EYS: variants seen among roughly 807,000 people sequenced by gnomAD.
EYS encodes the protein EGF-like photoreceptor maintenance factor.
In EYS, 250 loss-of-function variants were observed where a neutral mutation model predicts 282.1. That is an observed-to-expected ratio of 0.89 (90% CI 0.80 to 0.98). The LOEUF (loss-of-function observed/expected upper bound fraction) is 0.98, where lower values mean the gene tolerates loss of function less well. Among genes scored for constraint, EYS ranks in the 50% least tolerant of loss-of-function variants. The pLI, the probability that EYS is intolerant of heterozygous loss-of-function variation, is 0.00. For synonymous variants in EYS, 1,355 were observed against 1,282.9 expected, an observed-to-expected ratio of 1.06 and a Z score of -1.20; for missense variants, 4,016 against 3,709.0, an observed-to-expected ratio of 1.08 and a Z score of -2.15.
At chr6:63,901,650 G>T (rs1338567683) in intron 35 of EYS, among the ~76,000 whole-genome samples, 1 of 152,118 alleles carries the variant, frequency 6.6e-6, no homozygotes, top group Non-Finnish European at 1.5e-5. Context: ...CAAATATAGG[G>T]AACAAATATT....
At chr6:65,223,315 C>T (rs367995573) in intron 12 of EYS, among the ~76,000 whole-genome samples, 18 of 151,970 alleles carry the variant, frequency 1.2e-4, no homozygotes, top group Middle Eastern at 3.2e-3. Context: ...TGCAGTGAGC[C>T]GAGATCATGC....
chr6:64,524,225 T>A (rs575720673), intron 26 of EYS, among the ~76,000 whole-genome samples: 3 of 151,896 alleles, frequency 2.0e-5, no homozygotes, highest in African/African-American at 7.2e-5. Flanking sequence ...TTTGCCATGA[T>A]GATCTTAATT....
At chr6:64,419,786 G>T (rs527480227) in intron 28 of EYS, among the ~76,000 whole-genome samples, 6 of 152,346 alleles carry the variant, frequency 3.9e-5, no homozygotes, top group African/African-American at 1.4e-4. Context: ...GCAGGGTACA[G>T]CATCCCCTCC....
In EYS at chr6:64,370,285, G is replaced by T. The variant is rs562702638; in HGVS notation, c.6078+18405C>A. Among the ~76,000 whole-genome samples, 71 of 152,204 alleles carry T rather than the reference G, an allele frequency of 4.7e-4. 1 individual carries two copies. The highest frequency in any genetic ancestry group is 8.7e-4 in the Non-Finnish European group (59 of 67,972). On this transcript the variant is annotated intron_variant, in intron 29 of 42. Coordinates refer to ENST00000503581, the MANE Select transcript of EYS (RefSeq NM_001142800.2). ...TTTCATTATCTATTGTGATGTCCAT[G>T]TGGTTATTTTTAATTCTGTTTATGT...
chr6:64,417,142 G>A (rs1556861), intron 28 of EYS, among the ~76,000 whole-genome samples: 56,184 of 152,000 alleles, frequency 0.37, 11,135 homozygotes, highest in African/African-American at 0.53. Context: ...ATACATTACA[G>A]TGAAAAGCTA....
At chr6:65,628,928 T>C (rs147212592) in intron 2 of EYS, among the ~76,000 whole-genome samples, 1 of 152,368 alleles carries the variant, frequency 6.6e-6, no homozygotes, top group Non-Finnish European at 1.5e-5. Context: ...AAAAATATGA[T>C]GGCATTGTTT....
chr6:64,398,857 G>A (rs1209076895), intron 28 of EYS, among the ~76,000 whole-genome samples: 1 of 151,718 alleles, frequency 6.6e-6, no homozygotes, highest in Admixed American at 6.6e-5. Flanking sequence ...GAGAAAAAAT[G>A]GTTCAACATT....
At chr6:65,189,067 T>TG (rs1275107670) in intron 12 of EYS, among the ~76,000 whole-genome samples, 1 of 151,444 alleles carries the variant, frequency 6.6e-6, no homozygotes, top group Non-Finnish European at 1.5e-5. Context: ...ACAGTTTTAA[T>TG]TTTTTTTATA....
rs116544728 is a variant in EYS at position 64,420,746 on chromosome 6, G to T, written c.5927+15428C>A. The stretch of plus-strand genomic sequence containing the variant: ...AAGTTCCACAGATCTCTTGGGTAGG[G>T]ACAAAATGCTGCCAGTCTCCTTGAT... On this transcript the variant is annotated intron_variant, in intron 28 of 42. Coordinates refer to ENST00000503581, the MANE Select transcript of EYS (RefSeq NM_001142800.2). 8.2e-3 allele frequency among the ~76,000 whole-genome samples: 1,252 copies of T among 152,210 alleles called. 12 individuals carry two copies. Among genetic ancestry groups the T allele is most frequent in the African/African-American group, 0.029 (1,192 of 41,522 alleles).
chr6:64,320,616 A>G (rs1376847732), intron 29 of EYS, among the ~76,000 whole-genome samples: 1 of 151,660 alleles, frequency 6.6e-6, no homozygotes, highest in African/African-American at 2.4e-5. Context: ...ACAAATTGAT[A>G]ATGACAATTT....
chr6:64,880,492 G>T (rs922597692), intron 19 of EYS, among the ~76,000 whole-genome samples: 4 of 151,430 alleles, frequency 2.6e-5, no homozygotes, highest in Non-Finnish European at 5.9e-5. Flanking sequence ...TTTGGTTCTT[G>T]ATCTCTCTCT....
intron 29 of EYS, among the ~76,000 whole-genome samples, chr6:64,372,632 TGTGATTTCCAA>T (rs1772421636): frequency 6.6e-6 from 1 of 152,200 alleles, no homozygotes; most frequent in Admixed American, 6.5e-5. Flanking sequence ...TATCCTGAAA[TGTGATTTCCAA>T]GTTGCTTAGC....
chr6:64,349,045 T>C (rs962907518), intron 29 of EYS, among the ~76,000 whole-genome samples: 1 of 151,420 alleles, frequency 6.6e-6, no homozygotes, highest in African/African-American at 2.4e-5. Context: ...ATGTCTTGTT[T>C]GCTTTTGATC....
intron 5 of EYS, among the ~76,000 whole-genome samples, chr6:65,439,522 C>T (rs962607703): frequency 1.3e-5 from 2 of 152,166 alleles, no homozygotes; most frequent in African/African-American, 2.4e-5. Context: ...TCTTTTATTT[C>T]GTTGAGCACT....
At chr6:64,635,088 G>A (rs1175958811) in intron 22 of EYS, among the ~76,000 whole-genome samples, 3 of 151,934 alleles carry the variant, frequency 2.0e-5, no homozygotes, top group Non-Finnish European at 4.4e-5. Context: ...TGTAGCAATT[G>A]TGAATGGGAG....
intron 28 of EYS, among the ~76,000 whole-genome samples, chr6:64,399,831 CTGTGTTAGTGCTGA>C (rs1201686058): frequency 2.0e-5 from 3 of 151,810 alleles, no homozygotes; most frequent in African/African-American, 7.2e-5. Context: ...TTATTTGAAG[CTGTGTTAGTGCTGA>C]TGGAGTATAA....
intron 9 of EYS, among the ~76,000 whole-genome samples, chr6:65,348,930 T>C (rs1274097896): frequency 2.0e-5 from 3 of 151,486 alleles, no homozygotes; most frequent in Non-Finnish European, 4.4e-5. Flanking sequence ...TCTTCCCCCA[T>C]CCAAATTTAC....
At chr6:65,550,143 C>CTTTTTTTTTTATTT (rs1768555125) in intron 2 of EYS, among the ~76,000 whole-genome samples, 1 of 5,956 alleles carries the variant, frequency 1.7e-4, no homozygotes, top group Non-Finnish European at 2.5e-4. Flanking sequence ...TCTACTATAT[C>CTTTTTTTTTTATTT]TTTTTTTTTT....
intron 40 of EYS, among the ~76,000 whole-genome samples, chr6:63,774,391 A>C (rs1427914336): frequency 1.3e-5 from 2 of 150,506 alleles, no homozygotes; most frequent in East Asian, 3.9e-4. Flanking sequence ...CTGGTCTTGA[A>C]CTCCTGACCT....
Sources: gnomAD v4.1 joint callset for allele counts (sites outside exome capture counted in the v4.1 genomes callset) on GRCh38, gnomAD v4.1.1 for gene constraint, MANE v1.5 for transcripts, NCBI Gene and HGNC (gene_info 2026-07-23, HGNC 2026-07-21) for gene names.